RUBCN: variants seen among roughly 807,000 people sequenced by gnomAD.
RUBCN encodes run domain Beclin-1-interacting and cysteine-rich domain-containing protein.
RUBCN carries 74 observed loss-of-function variants against 113.2 expected under a neutral mutation model. The observed-to-expected ratio is 0.65, with a 90% CI of 0.54 to 0.79. The LOEUF (loss-of-function observed/expected upper bound fraction) is 0.79, where lower values mean the gene tolerates loss of function less well. Among genes scored for constraint, RUBCN ranks in the 30% least tolerant of loss-of-function variants. RUBCN has a pLI of 0.00. For synonymous variants in RUBCN, 480 were observed against 490.0 expected, an observed-to-expected ratio of 0.98 and a Z score of 0.27; for missense variants, 1,109 against 1,251.7, an observed-to-expected ratio of 0.89 and a Z score of 1.72.
rs913415208 is a variant in RUBCN, at chr3:197,736,566, C to T, written c.65+89G>A. The stretch of plus-strand genomic sequence containing the variant: ...CGTCCTCAAGACTCGTCGCGCCCGG[C>T]CCTTCTCTCCGTGACCCCGCGCCCT... On this transcript the variant is annotated intron_variant, in intron 1 of 19. Transcript: ENST00000296343. 28 of 1,326,156 alleles carry T rather than the reference C, an allele frequency of 2.1e-5. No individual in the cohort carries two copies. The East Asian group carries it at 3.5e-4, about 17-fold the overall frequency. 82.1% of individuals were successfully genotyped at this position (1,326,156 alleles called of 1,614,324 possible).
chr3:197,699,044 G>GT (rs113764540), intron 7 of RUBCN: 12,893 of 695,492 alleles, frequency 0.019, 358 homozygotes, highest in African/African-American at 0.072. Context: ...TGAAATACTG[G>GT]TATCATTTTA....
In RUBCN at chr3:197,681,052, G is replaced by A. The variant is rs2108847994; in HGVS notation, c.2430+77C>T. 1.5e-6 allele frequency: 1 copy of A among 681,436 alleles called. No individual in the cohort carries two copies. The highest frequency in any genetic ancestry group is 3.4e-5 in the East Asian group (1 of 29,792). The allele number at this position is 681,436 out of a possible 1,614,324, so 42.2% of individuals were successfully genotyped here. A position where few individuals can be genotyped will look rare whatever the true frequency, so the allele number is the denominator to read the frequency against. Reference sequence around the variant, plus strand: ...ACAAGAGGAGGGGATGGGGGGAGGGGACGGGGGAGGGACGAGGGGAGGGGA... The same window carrying A: ...ACAAGAGGAGGGGATGGGGGGAGGGAACGGGGGAGGGACGAGGGGAGGGGA... On this transcript the variant is annotated intron_variant, in intron 16 of 19. Coordinates refer to ENST00000296343, the MANE Select transcript of RUBCN (RefSeq NM_014687.4). The surrounding 1 kb of genome is among the most constrained non-coding windows in gnomAD (Gnocchi z 5.5).
Position 197,669,949 on chromosome 3 carries a change from C to A in RUBCN, c.*5069G>T, listed in dbSNP as rs544008060. On this transcript the variant is annotated 3_prime_UTR_variant, in exon 20 of 20. Transcript: ENST00000296343. ...TGTTGCCCAGGGTGGAGTGCAGTGG[C>A]GTGATCTCGGCTCACTGCAACCTCC... Among the ~76,000 whole-genome samples, 1 of 152,152 alleles carries A rather than the reference C, an allele frequency of 6.6e-6. No individual in the cohort carries two copies. The highest frequency in any genetic ancestry group is 2.4e-5 in the African/African-American group (1 of 41,430).
intron 1 of RUBCN, among the ~76,000 whole-genome samples, chr3:197,734,314 A>G (rs912309579): frequency 6.6e-6 from 1 of 151,206 alleles, no homozygotes; most frequent in Admixed American, 6.6e-5. Context: ...CATGCCTGTA[A>G]CCTCAGCACT....
At chr3:197,717,186 G>C (rs549497887) in intron 2 of RUBCN, among the ~76,000 whole-genome samples, 2 of 151,648 alleles carry the variant, frequency 1.3e-5, no homozygotes, top group African/African-American at 2.4e-5. Context: ...TGTAATCCCA[G>C]CACTTTGGGA....
In RUBCN at chr3:197,684,257, G is replaced by A. The variant is rs113309473; in HGVS notation, c.1787-40C>T. The A allele has an allele frequency of 3.4e-3, 5,200 of 1,534,838 alleles. 8 individuals are homozygous for A. The highest frequency in any genetic ancestry group is 4.1e-3 in the Non-Finnish European group (4,501 of 1,108,060). Reference sequence around the variant, plus strand: ...GAGATAAGGGGAGCGCAATGGAAACGGGGTGGGTAAGGGAACCTGGAATCT... The same window carrying A: ...GAGATAAGGGGAGCGCAATGGAAACAGGGTGGGTAAGGGAACCTGGAATCT... On this transcript the variant is annotated intron_variant, in intron 11 of 19. Transcript: ENST00000296343.
intron 11 of RUBCN, chr3:197,691,067 AG>A (rs1722368576): frequency 1.6e-6 from 2 of 1,286,296 alleles, no homozygotes; most frequent in Admixed American, 2.3e-5. Flanking sequence ...CTTGCAAAGT[AG>A]GCTACCTGAG....
chr3:197,737,132 C>T (rs1035976856), upstream of RUBCN: 7 of 237,168 alleles, frequency 3.0e-5, no homozygotes, highest in African/African-American at 4.7e-5. Flanking sequence ...TTGGCTGGGC[C>T]GGCTTGCAAG....
At chr3:197,718,266 C>A in intron 1 of RUBCN, 136 bp from the exon 2 acceptor site, 1 of 908,670 alleles carries the variant, frequency 1.1e-6, no homozygotes, top group Non-Finnish European at 1.8e-6. Context: ...TTTACTTGGG[C>A]ACAAAACTCA....
intron 2 of RUBCN, among the ~76,000 whole-genome samples, 172 bp downstream of exon 2, chr3:197,717,805 T>C (rs572335117): frequency 6.6e-6 from 1 of 152,180 alleles, no homozygotes; most frequent in Non-Finnish European, 1.5e-5. Flanking sequence ...CATTAACATC[T>C]ATGGTCCATC....
Position 197,674,897 on chromosome 3 carries a change from A to G in RUBCN, c.*121T>C. On this transcript the variant is annotated 3_prime_UTR_variant, in exon 20 of 20. Transcript: ENST00000296343. The stretch of plus-strand genomic sequence containing the variant: ...CAAGTCAGTAAAAAAAAAAAAAAAG[A>G]TGATGATAATTAAAAAAAAAAAAAA... 3 of 721,102 alleles carry G rather than the reference A, an allele frequency of 4.2e-6. No homozygotes were observed. Among genetic ancestry groups the G allele is most frequent in the Admixed American group, 3.1e-5 (1 of 32,040 alleles). 44.7% of individuals were successfully genotyped at this position (721,102 alleles called of 1,614,324 possible).
intron 1 of RUBCN, among the ~76,000 whole-genome samples, chr3:197,718,664 C>T (rs549037487): frequency 1.3e-4 from 20 of 152,084 alleles, no homozygotes; most frequent in African/African-American, 4.3e-4. Flanking sequence ...CTGCCCAACT[C>T]CTGGCCTCAA....
Position 197,704,692 on chromosome 3 carries a change from C to A in RUBCN, c.313G>T (p.Val105Leu). 1 of 1,613,800 alleles carries A rather than the reference C, an allele frequency of 6.2e-7. No individual in the cohort carries two copies. The highest frequency in any genetic ancestry group is 8.5e-7 in the Non-Finnish European group (1 of 1,179,988). ...GCACTGCTCTGGTCGTTCTCGTGCA[C>A]GCTGATGAACTGGGAAGCAAAGGGG... ...SALHVEKFIS[V>L]HENDQSSADG... Residue 105 changes from valine to leucine, a missense_variant, in exon 4 of 20, where the codon GTG becomes TTG. Val to Leu is a conservative substitution (Grantham distance 32). Around this residue, in one of 3 missense-constraint regions of RUBCN, gnomAD observed 736 missense variants for 779.6 expected, o/e 0.94. Coordinates refer to ENST00000296343, the MANE Select transcript of RUBCN (RefSeq NM_014687.4).
chr3:197,742,149 C>A (rs1728551483), intron 1 of RUBCN, among the ~76,000 whole-genome samples: 2 of 151,924 alleles, frequency 1.3e-5, no homozygotes, highest in South Asian at 4.2e-4. Context: ...CCCACCTCGG[C>A]CTCCCAAAGA....
chr3:197,676,556 G>C (rs1056273697), intron 18 of RUBCN: 4 of 1,141,292 alleles, frequency 3.5e-6, no homozygotes, highest in Non-Finnish European at 4.4e-6. Context: ...CAGGTGACCC[G>C]CCCACCTCGG....
chr3:197,703,799 C>A (rs992084097), intron 4 of RUBCN, 145 bp from the exon 5 acceptor site: 1 of 682,892 alleles, frequency 1.5e-6, no homozygotes, highest in South Asian at 1.6e-5. Flanking sequence ...AGCTGAAGAA[C>A]GCGAGGTGCA....
chr3:197,676,911 C>G lies in RUBCN; in HGVS notation c.2620G>C (p.Gly874Arg). The change falls in exon 18 of 20, where the codon GGG becomes CGG. Residue 874 changes from glycine to arginine, a missense_variant. This residue lies in a region of RUBCN where 306 missense variants were observed against 348.9 expected (regional missense o/e 0.88). Transcript: ENST00000296343. Reference sequence around the variant, plus strand: ...ATGCATCTCTCCACATGGGTAGCCCCTGCCCTGGTGAGCTCAGCAAGCCGG... The same window carrying G: ...ATGCATCTCTCCACATGGGTAGCCCGTGCCCTGGTGAGCTCAGCAAGCCGG... ...GPRLAELTRAGATHVERCMLC... is the reference protein window; with the variant it reads ...GPRLAELTRARATHVERCMLC... The G allele has an allele frequency of 6.2e-7, 1 of 1,614,208 alleles. No individual in the cohort carries two copies. The highest frequency in any genetic ancestry group is 8.5e-7 in the Non-Finnish European group (1 of 1,180,042).
At chr3:197,717,945 G>C in intron 2 of RUBCN, 32 bp downstream of exon 2, 1 of 1,612,384 alleles carries the variant, frequency 6.2e-7, no homozygotes, top group Non-Finnish European at 8.5e-7. Context: ...AAGCGAGTCA[G>C]CCAATCTGGC....
intron 1 of RUBCN, among the ~76,000 whole-genome samples, chr3:197,725,228 A>T (rs1726599892): frequency 6.6e-6 from 1 of 152,142 alleles, no homozygotes; most frequent in East Asian, 1.9e-4. Flanking sequence ...TAGAAAAAAT[A>T]TAATTAAGTG....
Sources: allele counts gnomAD v4.1 joint callset (sites outside exome capture counted in the v4.1 genomes callset), GRCh38; gene constraint gnomAD v4.1.1; regional missense constraint gnomAD v4.1.1; non-coding constraint Gnocchi (gnomAD v3.1); transcripts MANE v1.5; gene names NCBI Gene and HGNC (gene_info 2026-07-23, HGNC 2026-07-21).